The following THOC5 variants were observed in gnomAD, a reference collection of about 807,000 sequenced individuals.
THOC5 encodes Fms-interacting protein.
In THOC5, 43 loss-of-function variants were observed where a neutral mutation model predicts 92.9. The observed-to-expected ratio is 0.46, with a 90% confidence interval of 0.36 to 0.60. The LOEUF (loss-of-function observed/expected upper bound fraction) is 0.60, where lower values mean the gene tolerates loss of function less well. Among genes scored for constraint, THOC5 ranks in the 20% least tolerant of loss-of-function variants. THOC5 has a pLI of 0.00. For synonymous variants in THOC5, 296 were observed against 320.1 expected, an observed-to-expected ratio of 0.92 and a Z score of 0.80; for missense variants, 659 against 849.4, an observed-to-expected ratio of 0.78 and a Z score of 2.79.
intron 7 of THOC5, 82 bp from the exon 8 acceptor site, chr22:29,532,045 C>T (rs1159823320): frequency 1.3e-6 from 2 of 1,517,242 alleles, no homozygotes; most frequent in African/African-American, 2.8e-5. Context: ...GACCGTAAAT[C>T]ATTATTTATA....
intron 7 of THOC5, 58 bp downstream of exon 7, chr22:29,536,566 G>T: frequency 9.7e-7 from 1 of 1,032,492 alleles, no homozygotes; most frequent in South Asian, 1.3e-5. Context: ...AGGGTGACAT[G>T]ACTTCTGGCA....
chr22:29,520,121 A>G lies in THOC5; in HGVS notation c.1278-17T>C. 1 of 1,610,328 alleles carries G rather than the reference A, an allele frequency of 6.2e-7. No individual in the cohort carries two copies. Among genetic ancestry groups the G allele is most frequent in the Non-Finnish European group, 8.5e-7 (1 of 1,177,216 alleles). ...GTCAGGATGCTGCAGAAAAGAAGAT[A>G]AATAAAATTGTGCTGTAAGTCATTT... On this transcript the variant is annotated splice_polypyrimidine_tract_variant and intron_variant, in intron 13 of 19. Transcript: ENST00000490103.
At chr22:29,529,871 G>C (rs1210999144) in intron 8 of THOC5, among the ~76,000 whole-genome samples, 2 of 152,248 alleles carry the variant, frequency 1.3e-5, no homozygotes, top group Non-Finnish European at 2.9e-5. Context: ...GCCGGGTGCA[G>C]TGGCTCACAC....
Position 29,512,026 on chromosome 22 carries a change from T to C in THOC5, c.1792A>G (p.Ile598Val). 6.2e-7 allele frequency: 1 copy of C among 1,613,732 alleles called. No individual in the cohort carries two copies. The highest frequency in any genetic ancestry group is 1.1e-5 in the South Asian group (1 of 91,072). Residue 598 changes from isoleucine to valine, a missense_variant, in exon 18 of 20, where the codon ATT becomes GTT. Transcript: ENST00000490103. ...GEKTNSNDDN[I>V]RAMEGEVNVC... ...CATCCCCAGCTGGGTCTTACCCGAA[T>C]GTTGTCATCGTTGCTGTTGGTTTTC...
rs188003656 is a variant in THOC5 at position 29,540,120 on chromosome 22, A to C, written c.453-644T>G. ...CAAGGTGAAACCCCGTCTCTACTAA[A>C]AATTAGCTGGGCGTGGTGACGCATG... On this transcript the variant is annotated intron_variant, in intron 5 of 19. Transcript: ENST00000490103. 2.4e-3 allele frequency among the ~76,000 whole-genome samples: 358 copies of C among 152,276 alleles called. 1 individual carries two copies. The highest frequency in any genetic ancestry group is 2.5e-3 in the Non-Finnish European group (173 of 68,024).
chr22:29,537,287 G>C (rs1296657523), intron 6 of THOC5, among the ~76,000 whole-genome samples: 3 of 152,202 alleles, frequency 2.0e-5, no homozygotes, highest in Non-Finnish European at 4.4e-5. Flanking sequence ...ACAATCAGTG[G>C]ACTGGACAGC....
At chr22:29,544,929 T>C (rs1254187985) in intron 2 of THOC5, 4 of 290,392 alleles carry the variant, frequency 1.4e-5, no homozygotes, top group Non-Finnish European at 2.7e-5. Context: ...ATAAACATTT[T>C]ATTTGTAAAC....
chr22:29,522,724 C>T (rs1950906347), intron 12 of THOC5, among the ~76,000 whole-genome samples: 2 of 152,022 alleles, frequency 1.3e-5, no homozygotes, highest in Admixed American at 6.6e-5. Flanking sequence ...CCTTAGTGGC[C>T]GGGCGTGGTG....
intron 19 of THOC5, among the ~76,000 whole-genome samples, chr22:29,509,713 AC>A (rs1284433975): frequency 6.9e-6 from 1 of 145,604 alleles, no homozygotes; most frequent in Non-Finnish European, 1.5e-5. Flanking sequence ...GGAACAGAGA[AC>A]AAGGTAAGGG....
At chr22:29,529,647 A>G (rs2146501130) in intron 8 of THOC5, among the ~76,000 whole-genome samples, 1 of 152,326 alleles carries the variant, frequency 6.6e-6, no homozygotes, top group East Asian at 1.9e-4. Flanking sequence ...CTAAGTGCTT[A>G]TTCTCTATTC....
chr22:29,542,726 T>A, intron 5 of THOC5, 133 bp downstream of exon 5: 3 of 537,540 alleles, frequency 5.6e-6, no homozygotes, highest in Non-Finnish European at 9.9e-6. Context: ...ATTGCGCCAC[T>A]GCACTCCAGC....
chr22:29,531,005 A>G lies in THOC5; in HGVS notation c.847+826T>C, dbSNP rs146909669. 1.3e-4 allele frequency: 127 copies of G among 1,000,408 alleles called. 3 individuals carry two copies. In the East Asian group the frequency reaches 0.013, roughly 101 times the overall value. 62.0% of individuals were successfully genotyped at this position (1,000,408 alleles called of 1,614,324 possible). Reference sequence around the variant, plus strand: ...ACAGACTATTTTTTTCAGCCATTTAATATTAGCATTCTACAAGAACATCAG... The same window carrying G: ...ACAGACTATTTTTTTCAGCCATTTAGTATTAGCATTCTACAAGAACATCAG... On this transcript the variant is annotated intron_variant, in intron 8 of 19. Coordinates refer to ENST00000490103, the MANE Select transcript of THOC5 (RefSeq NM_003678.5).
chr22:29,520,963 T>C, intron 13 of THOC5, 35 bp downstream of exon 13: 1 of 1,534,616 alleles, frequency 6.5e-7, no homozygotes, highest in Non-Finnish European at 9.0e-7. Context: ...AACTCAGAAG[T>C]AGAGAGCTCG....
intron 12 of THOC5, 141 bp from the exon 13 acceptor site, chr22:29,521,240 C>G: frequency 1.5e-6 from 1 of 651,246 alleles, no homozygotes; most frequent in Non-Finnish European, 2.7e-6. Flanking sequence ...TGGGCCAGAC[C>G]GTTTATATGC....
Position 29,536,696 on chromosome 22 carries a change from C to T in THOC5, c.642G>A (p.Lys214=), listed in dbSNP as rs1472458078. 1.2e-6 allele frequency: 2 copies of T among 1,613,860 alleles called. No individual in the cohort carries two copies. The highest frequency in any genetic ancestry group is 4.5e-5 in the East Asian group (2 of 44,866). The change falls in exon 7 of 20, where the codon AAG becomes AAA. Residue 214 remains lysine (K), a synonymous_variant. Transcript: ENST00000490103. ...KYRECLSNKE[K]ILKEIEVKKE... ...TCTTCACCTCAATCTCCTTGAGAAT[C>T]TTCTCCTTGTTAGATAGGCACTCTC...
At chr22:29,530,167 A>C (rs2063623692) in intron 8 of THOC5, among the ~76,000 whole-genome samples, 1 of 151,070 alleles carries the variant, frequency 6.6e-6, no homozygotes, top group Non-Finnish European at 1.5e-5. Context: ...AAAGAAAAAC[A>C]GTAGCTGCCC....
intron 7 of THOC5, 53 bp from the exon 8 acceptor site, chr22:29,532,016 G>A: frequency 6.3e-7 from 1 of 1,585,304 alleles, no homozygotes; most frequent in African/African-American, 1.4e-5. Flanking sequence ...GTCCACACAG[G>A]AAAAAGTGGC....
intron 19 of THOC5, among the ~76,000 whole-genome samples, chr22:29,510,444 A>C (rs1488728481): frequency 6.6e-6 from 1 of 152,108 alleles, no homozygotes; most frequent in Admixed American, 6.6e-5. Flanking sequence ...AAAAAAATTT[A>C]AAAATTAGTT....
chr22:29,541,754 G>A (rs1383433463), intron 5 of THOC5, among the ~76,000 whole-genome samples: 137 of 146,636 alleles, frequency 9.3e-4, no homozygotes, highest in African/African-American at 3.2e-3. Flanking sequence ...CCAGCTACTC[G>A]GGAGGCTGAG....
Sources: allele counts gnomAD v4.1 joint callset (sites outside exome capture counted in the v4.1 genomes callset), GRCh38; gene constraint gnomAD v4.1.1; transcripts MANE v1.5; gene names NCBI Gene and HGNC (gene_info 2026-07-23, HGNC 2026-07-21).